Variants in FREM1 observed in about 807,000 individuals in gnomAD.
FREM1 encodes FRAS1-related extracellular matrix protein 1.
A neutral mutation model predicts 210.1 loss-of-function variants in FREM1; 220 were observed. The observed-to-expected ratio is 1.05, with a 90% confidence interval of 0.94 to 1.17. The LOEUF (loss-of-function observed/expected upper bound fraction) is 1.17. Ranked by LOEUF, FREM1 falls within the 50% of genes most tolerant of loss-of-function variation. FREM1 has a pLI of 0.00. For missense variants in FREM1, 3,454 were observed against 2,675.5 expected (o/e 1.29, Z -6.42); for synonymous variants, 1,189 against 980.2 (o/e 1.21, Z -3.98).
intron 1 of FREM1, among the ~76,000 whole-genome samples, chr9:14,872,747 A>G (rs1460893667): frequency 6.6e-6 from 1 of 151,060 alleles, no homozygotes; most frequent in Non-Finnish European, 1.5e-5. Flanking sequence ...GTCCTGTGCC[A>G]GTTTTCAAAG....
At chr9:14,824,647 A>C (rs190722483) in intron 11 of FREM1, 149 bp downstream of exon 11, 5 of 583,668 alleles carry the variant, frequency 8.6e-6, no homozygotes, top group African/African-American at 5.8e-5. Context: ...TTGTTTGAGA[A>C]AAAAGTAAAC....
Position 14,769,943 on chromosome 9 carries a change from T to A in FREM1, c.5060-75A>T, listed in dbSNP as rs550459261. 9 of 703,648 alleles carry A rather than the reference T, an allele frequency of 1.3e-5. No homozygotes were observed. The African/African-American group carries it at 1.7e-4, about 13-fold the overall frequency. The allele number at this position is 703,648 out of a possible 1,614,324, so 43.6% of individuals were successfully genotyped here. A position where few individuals can be genotyped will look rare whatever the true frequency, so the allele number is the denominator to read the frequency against. ...ATAAAAGCTAATAAAATTGTATGGC[T>A]ATTTTATTTTAAACACAGCTTTAAA... is the stretch of plus-strand genomic sequence containing the variant. On this transcript the variant is annotated intron_variant, in intron 26 of 36. Coordinates refer to ENST00000380880, the MANE Select transcript of FREM1 (RefSeq NM_001379081.2).
At chr9:14,809,149 T>C (rs1818928966) in intron 16 of FREM1, among the ~76,000 whole-genome samples, 1 of 152,188 alleles carries the variant, frequency 6.6e-6, no homozygotes, top group Non-Finnish European at 1.5e-5. Flanking sequence ...GTTTTAAAAA[T>C]GGGAGTTTCC....
intron 24 of FREM1, among the ~76,000 whole-genome samples, chr9:14,778,487 AG>A (rs937459514): frequency 6.7e-6 from 1 of 149,458 alleles, no homozygotes; most frequent in Non-Finnish European, 1.5e-5. Context: ...GCGTGCCTGT[AG>A]CCCCAGCTAC....
At chr9:14,793,954 CAGTT>C (rs1851878705) in intron 21 of FREM1, among the ~76,000 whole-genome samples, 1 of 152,114 alleles carries the variant, frequency 6.6e-6, no homozygotes, top group Admixed American at 6.5e-5. Context: ...GCTAAGCAAT[CAGTT>C]GGTTGAGGGC....
intron 17 of FREM1, 146 bp from the exon 18 acceptor site, chr9:14,806,992 G>A (rs571498848): frequency 3.2e-5 from 17 of 531,780 alleles, no homozygotes; most frequent in South Asian, 3.1e-4. Flanking sequence ...ATTTTCTTTG[G>A]CATCATTCTC....
Position 14,737,476 on chromosome 9 carries a change from C to G in FREM1, c.6460G>C (p.Val2154Leu). The change falls in exon 37 of 37, where the codon GTT becomes CTT. Residue 2154 changes from valine to leucine, a missense_variant. Coordinates refer to ENST00000380880, the MANE Select transcript of FREM1 (RefSeq NM_001379081.2). ...RSKLGKSCVL[V>L]QRQGKWQTKD... ...GTTTGCCATTTCCCTTGTCTTTGAACCAAAACACAGCTCTTTCCAAGCTTG... is the reference window on the plus strand; with the variant it reads ...GTTTGCCATTTCCCTTGTCTTTGAAGCAAAACACAGCTCTTTCCAAGCTTG... 1 of 1,613,814 alleles carries G rather than the reference C, an allele frequency of 6.2e-7. No homozygotes were observed. Among genetic ancestry groups the G allele is most frequent in the Non-Finnish European group, 8.5e-7 (1 of 1,179,806 alleles).
chr9:14,853,697 G>C (rs1253973482), intron 5 of FREM1, among the ~76,000 whole-genome samples: 1 of 152,178 alleles, frequency 6.6e-6, no homozygotes, highest in Non-Finnish European at 1.5e-5. Flanking sequence ...AGGAATAGAG[G>C]AGAAGACAAT....
chr9:14,897,498 T>C (rs1054214437), intron 1 of FREM1, among the ~76,000 whole-genome samples: 45 of 151,496 alleles, frequency 3.0e-4, no homozygotes, highest in African/African-American at 1.1e-3. Flanking sequence ...GTGGGGAATG[T>C]AAAGCATAGT....
chr9:14,765,222 C>T (rs17218712), intron 27 of FREM1, among the ~76,000 whole-genome samples: 38,962 of 152,132 alleles, frequency 0.26, 5,424 homozygotes, highest in Middle Eastern at 0.42. Flanking sequence ...ACTCCGTAAT[C>T]GAATGCTATG....
At chr9:14,903,237 A>G (rs138598137) in intron 1 of FREM1, among the ~76,000 whole-genome samples, 22 of 152,358 alleles carry the variant, frequency 1.4e-4, no homozygotes, top group African/African-American at 5.3e-4. Context: ...CATTCATGAG[A>G]CCAAAGTTAC....
chr9:14,887,763 G>T (rs1274289997), intron 1 of FREM1, among the ~76,000 whole-genome samples: 1 of 151,574 alleles, frequency 6.6e-6, no homozygotes, highest in Non-Finnish European at 1.5e-5. Flanking sequence ...GCATCTTTTC[G>T]TTTATTTTTC....
chr9:14,847,598 A>G (rs891633931), intron 7 of FREM1, among the ~76,000 whole-genome samples: 1 of 152,190 alleles, frequency 6.6e-6, no homozygotes, highest in African/African-American at 2.4e-5. Context: ...AAATATATAC[A>G]GCAAAATATT....
At chr9:14,847,540 A>C (rs1826919037) in intron 7 of FREM1, among the ~76,000 whole-genome samples, 3 of 152,160 alleles carry the variant, frequency 2.0e-5, no homozygotes, top group Non-Finnish European at 4.4e-5. Context: ...AGGAGTGCAT[A>C]GGACAAGGCA....
At chr9:14,799,269 G>A (rs1217788719) in intron 20 of FREM1, among the ~76,000 whole-genome samples, 1 of 151,274 alleles carries the variant, frequency 6.6e-6, no homozygotes, top group African/African-American at 2.4e-5. Context: ...CTAAGTGACA[G>A]TGCAAGACCC....
chr9:14,884,084 C>G (rs1414915437), intron 1 of FREM1, among the ~76,000 whole-genome samples: 10 of 152,138 alleles, frequency 6.6e-5, no homozygotes, highest in Non-Finnish European at 1.5e-4. Context: ...CAAAAATCAG[C>G]CGGGCGTGGT....
At chr9:14,807,893 G>C in intron 17 of FREM1, 47 bp downstream of exon 17, 1 of 1,296,752 alleles carries the variant, frequency 7.7e-7, no homozygotes, top group Non-Finnish European at 1.1e-6. Flanking sequence ...CCACAGGTAT[G>C]ACACTAGGTC....
chr9:14,793,026 TGA>T, intron 21 of FREM1, 142 bp from the exon 22 acceptor site: 1 of 570,862 alleles, frequency 1.8e-6, no homozygotes. Flanking sequence ...AGATGACTAG[TGA>T]GAGGAATGAA....
At chr9:14,895,479 T>A (rs1349556939) in intron 1 of FREM1, among the ~76,000 whole-genome samples, 1 of 152,144 alleles carries the variant, frequency 6.6e-6, no homozygotes, top group African/African-American at 2.4e-5. Context: ...GGATGGGTAA[T>A]GTAAAAATCT....
Sources: allele counts gnomAD v4.1 joint callset (sites outside exome capture counted in the v4.1 genomes callset), GRCh38; gene constraint gnomAD v4.1.1; transcripts MANE v1.5; gene names NCBI Gene and HGNC (gene_info 2026-07-23, HGNC 2026-07-21).